The following ATP10B variants were observed in gnomAD, a reference collection of about 807,000 sequenced individuals.
ATP10B encodes phospholipid-transporting ATPase VB.
In ATP10B, 122 loss-of-function variants were observed where a neutral mutation model predicts 141.2. The ratio of observed to expected loss-of-function variants is 0.86; its 90% CI spans 0.75 to 1.00. ATP10B has a LOEUF of 1.00. ATP10B is among the 50% of genes least tolerant of loss of function. ATP10B has a pLI of 0.00. For missense variants in ATP10B, 1,876 were observed against 1,825.3 expected, an observed-to-expected ratio of 1.03 and a Z score of -0.51; for synonymous variants, 685 against 692.0, an observed-to-expected ratio of 0.99 and a Z score of 0.16.
At chr5:160,729,535 C>A (rs1177725320) in intron 2 of ATP10B, among the ~76,000 whole-genome samples, 1 of 152,128 alleles carries the variant, frequency 6.6e-6, no homozygotes, top group African/African-American at 2.4e-5. Flanking sequence ...CTAAACAAAA[C>A]AAAAGGCTAA....
rs538952485 is a variant in ATP10B, at chr5:160,767,543, T to A, written c.-331+18016A>T. Among the ~76,000 whole-genome samples the A allele has an allele frequency of 2.0e-5, 3 of 151,824 alleles. No homozygotes were observed. In the South Asian group the frequency reaches 6.2e-4, roughly 32 times the overall value. On this transcript the variant is annotated intron_variant, in intron 2 of 25. Transcript: ENST00000327245. ...CCAAAGTCCTCATATTGGAATTATC[T>A]GTTGCCATAGAATGTATTATAAATA...
Position 160,589,701 on chromosome 5 carries a change from A to G in ATP10B, c.3646-5T>C, listed in dbSNP as rs146141664. On this transcript the variant is annotated splice_region_variant and splice_polypyrimidine_tract_variant and intron_variant, in intron 23 of 25. Transcript: ENST00000327245. The stretch of plus-strand genomic sequence containing the variant: ...TATATCAGAGCCCTTATAGGCCTGC[A>G]GAGGAGGAACAGACAGGCATTGTCA... 3.1e-3 allele frequency: 5,015 copies of G among 1,606,392 alleles called. 77 individuals are homozygous for G. In the African/African-American group the frequency reaches 0.034, roughly 11 times the overall value.
the ATP10B span, among the ~76,000 whole-genome samples, chr5:160,923,074 A>C: frequency 1.3e-5 from 2 of 152,370 alleles, no homozygotes; most frequent in East Asian, 1.9e-4. Flanking sequence ...GATGTGGAGA[A>C]TAGACAGAGC....
the ATP10B span, among the ~76,000 whole-genome samples, chr5:160,916,211 G>A: frequency 0.031 from 4,796 of 152,322 alleles, 268 homozygotes; most frequent in African/African-American, 0.11. Flanking sequence ...CTATGTGACC[G>A]CCCTTATCAT....
the ATP10B span, among the ~76,000 whole-genome samples, chr5:160,883,149 G>A: frequency 6.6e-6 from 1 of 152,180 alleles, no homozygotes; most frequent in African/African-American, 2.4e-5. Flanking sequence ...AAATACTCAG[G>A]AATAGAAAAC....
chr5:160,765,576 A>G (rs1769338838), intron 2 of ATP10B, among the ~76,000 whole-genome samples: 1 of 152,196 alleles, frequency 6.6e-6, no homozygotes, highest in Non-Finnish European at 1.5e-5. Flanking sequence ...GTTGGATCAA[A>G]TACTTAAATC....
At chr5:160,698,971 G>A (rs1236983357) in intron 3 of ATP10B, among the ~76,000 whole-genome samples, 1 of 152,184 alleles carries the variant, frequency 6.6e-6, no homozygotes, top group South Asian at 2.1e-4. Flanking sequence ...GGGGATGGGG[G>A]TGGAAAATCT....
chr5:160,854,977 T>C (rs1322213082), upstream of ATP10B, among the ~76,000 whole-genome samples: 2 of 152,116 alleles, frequency 1.3e-5, no homozygotes, highest in East Asian at 1.9e-4. Context: ...AAACTACAGA[T>C]TGTTTAACCA....
At chr5:160,615,039 C>G (rs907682440) in intron 17 of ATP10B, among the ~76,000 whole-genome samples, 1 of 152,196 alleles carries the variant, frequency 6.6e-6, no homozygotes, top group African/African-American at 2.4e-5. Flanking sequence ...CTTAATCAGT[C>G]TCTGTGCTTC....
intron 1 of ATP10B, among the ~76,000 whole-genome samples, chr5:160,800,067 C>A (rs550605486): frequency 1.3e-5 from 2 of 152,236 alleles, no homozygotes; most frequent in East Asian, 3.9e-4. Context: ...CAAGGGTAGC[C>A]GGCCATCACC....
chr5:160,653,260 T>C (rs1186631135), intron 7 of ATP10B, among the ~76,000 whole-genome samples: 1 of 132,854 alleles, frequency 7.5e-6, no homozygotes, highest in Non-Finnish European at 1.5e-5. Flanking sequence ...GTAGTATATA[T>C]ACATACGTAC....
At chr5:160,925,436 A>G in the ATP10B span, among the ~76,000 whole-genome samples, 5,872 of 152,326 alleles carry the variant, frequency 0.039, 238 homozygotes, top group East Asian at 0.2. Context: ...GGAAACTGAA[A>G]CAGAGTGGTT....
intron 1 of ATP10B, among the ~76,000 whole-genome samples, chr5:160,823,263 A>G (rs961684192): frequency 3.3e-5 from 5 of 151,912 alleles, no homozygotes; most frequent in Admixed American, 3.3e-4. Context: ...GCTGGAAACC[A>G]TTATCCTCAG....
the ATP10B span, among the ~76,000 whole-genome samples, chr5:160,896,108 T>C: frequency 6.6e-6 from 1 of 152,022 alleles, no homozygotes; most frequent in East Asian, 1.9e-4. Context: ...AGATCTAAAA[T>C]TGACACCCTA....
intron 3 of ATP10B, 107 bp from the exon 4 acceptor site, chr5:160,689,050 C>T: frequency 2.2e-6 from 1 of 464,036 alleles, no homozygotes; most frequent in Non-Finnish European, 2.8e-6. Context: ...CAGCTTCATC[C>T]CTGGGATGCA....
chr5:160,592,555 A>T (rs1385744126), intron 22 of ATP10B, among the ~76,000 whole-genome samples: 5 of 152,246 alleles, frequency 3.3e-5, no homozygotes, highest in Non-Finnish European at 7.3e-5. Flanking sequence ...AGTGCCAGAC[A>T]GTGGGCACAG....
In ATP10B at chr5:160,606,668, G is replaced by A. The variant is rs73819457; in HGVS notation, c.3160+97C>T. The A allele has an allele frequency of 4.3e-4, 518 of 1,206,768 alleles. 2 individuals carry two copies. The African/African-American group carries it at 6.9e-3, about 16-fold the overall frequency. The allele number at this position is 1,206,768 out of a possible 1,614,324, so 74.8% of individuals were successfully genotyped here. ...TCTAAGACAATGACTCACAGCCTAA[G>A]CATTCTGACTTTGAGACCTGACCTC... On this transcript the variant is annotated intron_variant, in intron 19 of 25. Coordinates refer to ENST00000327245, the MANE Select transcript of ATP10B (RefSeq NM_025153.3).
chr5:160,718,174 G>A (rs1252865490), intron 2 of ATP10B, among the ~76,000 whole-genome samples: 1 of 152,196 alleles, frequency 6.6e-6, no homozygotes, highest in African/African-American at 2.4e-5. Flanking sequence ...CTTTGGCCAG[G>A]AATTGGATGC....
the ATP10B span, among the ~76,000 whole-genome samples, chr5:160,897,666 T>C: frequency 6.6e-6 from 1 of 152,146 alleles, no homozygotes; most frequent in Non-Finnish European, 1.5e-5. Context: ...CATTGACTTC[T>C]TTCACAGAAT....
Sources: allele counts gnomAD v4.1 joint callset (sites outside exome capture counted in the v4.1 genomes callset), GRCh38; gene constraint gnomAD v4.1.1; transcripts MANE v1.5; gene names NCBI Gene and HGNC (gene_info 2026-07-23, HGNC 2026-07-21).